Variants in KRT72 observed in about 807,000 individuals in gnomAD.
KRT72 encodes keratin 72, also known as keratin, type II cytoskeletal 72.
In KRT72, 44 loss-of-function variants were observed where a neutral mutation model predicts 44.7. The ratio of observed to expected loss-of-function variants is 0.98; its 90% confidence interval spans 0.77 to 1.27. The LOEUF (loss-of-function observed/expected upper bound fraction) is 1.27, where lower values mean the gene tolerates loss of function less well. Ranked by LOEUF, KRT72 falls within the 50% of genes most tolerant of loss-of-function variation. KRT72 has a pLI of 0.00. For synonymous variants in KRT72, 302 were observed against 280.4 expected (o/e 1.08, Z -0.77); for missense variants, 736 against 667.1 (o/e 1.10, Z -1.14).
chr12:52,588,941 A>G (rs1207219420), intron 6 of KRT72, among the ~76,000 whole-genome samples: 1 of 152,072 alleles, frequency 6.6e-6, no homozygotes, highest in Non-Finnish European at 1.5e-5. Flanking sequence ...CAGAGGTTGC[A>G]GTGAGCCCAG....
chr12:52,596,827 A>T (rs1420841845), intron 2 of KRT72, among the ~76,000 whole-genome samples: 1 of 152,216 alleles, frequency 6.6e-6, no homozygotes, highest in African/African-American at 2.4e-5. Context: ...CTGGGATTAC[A>T]GGCCACAAGA....
At chr12:52,599,816 C>T (rs7973356) in intron 1 of KRT72, among the ~76,000 whole-genome samples, 52,664 of 152,016 alleles carry the variant, frequency 0.35, 9,791 homozygotes, top group East Asian at 0.59. Context: ...TGGTGACACT[C>T]GGTCCACCAC....
intron 7 of KRT72, 142 bp from the exon 8 acceptor site, chr12:52,587,122 A>C (rs952328386): frequency 2.8e-6 from 2 of 721,998 alleles, no homozygotes; most frequent in African/African-American, 3.6e-5. Context: ...CACACATCCC[A>C]GTGCGACCCC....
chr12:52,600,578 A>G (rs1019842982), intron 1 of KRT72, among the ~76,000 whole-genome samples: 1 of 152,156 alleles, frequency 6.6e-6, no homozygotes, highest in Admixed American at 6.5e-5. Flanking sequence ...GTGAATAAGT[A>G]TCACGAGATC....
chr12:52,592,837 T>C (rs1940096980), intron 3 of KRT72, 55 bp downstream of exon 3: 13 of 1,499,336 alleles, frequency 8.7e-6, no homozygotes, highest in South Asian at 1.1e-5. Context: ...ACAAGCATCA[T>C]TGTGCCAGGT....
intron 5 of KRT72, 81 bp downstream of exon 5, chr12:52,591,383 C>T: frequency 2.1e-6 from 3 of 1,431,880 alleles, no homozygotes; most frequent in Non-Finnish European, 2.9e-6. Context: ...CAAACACACG[C>T]ACACACACGT....
At chr12:52,602,232 G>A (rs7956582), upstream of KRT72, among the ~76,000 whole-genome samples, 52,632 of 152,080 alleles carry the variant, frequency 0.35, 9,777 homozygotes, top group East Asian at 0.59. Flanking sequence ...TTAGCAGATG[G>A]TGTTTCCTAA....
chr12:52,592,582 C>T (rs1206810399), intron 3 of KRT72, 91 bp from the exon 4 acceptor site: 13 of 957,872 alleles, frequency 1.4e-5, no homozygotes, highest in Admixed American at 2.2e-5. Flanking sequence ...CTTTCCTCTC[C>T]CTTCACCCTG....
chr12:52,589,984 A>AGT (rs768830315), intron 6 of KRT72, among the ~76,000 whole-genome samples: 22 of 152,212 alleles, frequency 1.4e-4, no homozygotes, highest in East Asian at 3.9e-4. Flanking sequence ...ACAGAGGAGT[A>AGT]GTGCGTGTGT....
At chr12:52,589,756 C>T (rs1007103628) in intron 6 of KRT72, among the ~76,000 whole-genome samples, 9 of 152,146 alleles carry the variant, frequency 5.9e-5, no homozygotes, top group South Asian at 2.1e-4. Context: ...ATTTGTTCCC[C>T]GCAGAGGGTA....
chr12:52,585,975 T>A lies in KRT72; in HGVS notation c.*7A>T, dbSNP rs773168236. On this transcript the variant is annotated 3_prime_UTR_variant, in exon 9 of 9. Coordinates refer to ENST00000293745, the MANE Select transcript of KRT72 (RefSeq NM_080747.3). ...GCCTTCTGCTCACAGAGCCAACCAC[T>A]TGTCCATCATCTGGAGGCCTTTTTG... The A allele has an allele frequency of 5.6e-6, 9 of 1,610,748 alleles. No individual in the cohort carries two copies. The East Asian group carries it at 1.8e-4, about 32-fold the overall frequency.
intron 1 of KRT72, chr12:52,599,372 A>G (rs1380427564): frequency 5.3e-6 from 3 of 564,396 alleles, no homozygotes; most frequent in Non-Finnish European, 3.4e-6. Flanking sequence ...TTTTCATGAG[A>G]CAGAGGTAGC....
intron 2 of KRT72, 128 bp downstream of exon 2, chr12:52,598,770 C>G: frequency 4.0e-6 from 3 of 754,214 alleles, no homozygotes; most frequent in Non-Finnish European, 6.9e-6. Context: ...TTCCTAGTTC[C>G]ATTCTGTCTG....
chr12:52,589,979 G>A (rs1196251687), intron 6 of KRT72, among the ~76,000 whole-genome samples: 1 of 152,176 alleles, frequency 6.6e-6, no homozygotes, highest in Admixed American at 6.5e-5. Context: ...TGAGCACAGA[G>A]GAGTAGTGCG....
At chr12:52,599,924 G>A (rs1940357714) in intron 1 of KRT72, among the ~76,000 whole-genome samples, 1 of 8,028 alleles carries the variant, frequency 1.2e-4, no homozygotes, top group South Asian at 3.7e-3. Context: ...GGTTGTGATT[G>A]TAAATGAGAA....
At chr12:52,590,207 G>A (rs967394134) in intron 6 of KRT72, among the ~76,000 whole-genome samples, 5 of 152,180 alleles carry the variant, frequency 3.3e-5, no homozygotes, top group African/African-American at 1.2e-4. Flanking sequence ...CCCAAAGAGG[G>A]GGACCTCGGT....
At position 52,598,980 on chromosome 12, in the gene KRT72, G is replaced by A. The variant is rs758494856; in HGVS notation, c.559C>T (p.Leu187=). The stretch of plus-strand genomic sequence containing the variant: ...ACCCCGTCCCCAGACAGCATCTCCA[G>A]CTGCTTCTGCAGGTTGCTGATGTAG... ...EGYISNLQKQ[L]EMLSGDGVRL... The change falls in exon 2 of 9, where the codon CTG becomes TTG. Residue 187 remains leucine, a synonymous_variant. Transcript: ENST00000293745. 10 of 1,614,194 alleles carry A rather than the reference G, an allele frequency of 6.2e-6. No individual in the cohort carries two copies. Among genetic ancestry groups the A allele is most frequent in the Non-Finnish European group, 2.5e-6 (3 of 1,180,032 alleles).
chr12:52,591,195 G>T (rs1435907909), intron 5 of KRT72, among the ~76,000 whole-genome samples: 1 of 152,198 alleles, frequency 6.6e-6, no homozygotes, highest in Non-Finnish European at 1.5e-5. Flanking sequence ...TCCTATCAGG[G>T]TTGTAGCTGG....
At chr12:52,597,588 C>A (rs1305609193) in intron 2 of KRT72, among the ~76,000 whole-genome samples, 1 of 152,112 alleles carries the variant, frequency 6.6e-6, no homozygotes, top group African/African-American at 2.4e-5. Context: ...GAAGTAGATT[C>A]TATTATTATT....
Sources: gnomAD v4.1 joint callset for allele counts (sites outside exome capture counted in the v4.1 genomes callset) on GRCh38, gnomAD v4.1.1 for gene constraint, MANE v1.5 for transcripts, NCBI Gene and HGNC (gene_info 2026-07-23, HGNC 2026-07-21) for gene names.